Variants in PLXNA2 observed in about 807,000 individuals in gnomAD.
PLXNA2 encodes plexin-A2.
Under a neutral mutation model 193.5 loss-of-function variants are expected in PLXNA2, and 91 were observed. The observed-to-expected ratio is 0.47, with a 90% CI of 0.40 to 0.56. The LOEUF (loss-of-function observed/expected upper bound fraction) is 0.56. PLXNA2 is among the 20% of genes least tolerant of loss of function. The probability of loss-of-function intolerance (pLI) is 0.00; values close to 1 mark genes in which losing one functional copy is unlikely to be tolerated. For synonymous variants in PLXNA2, 997 were observed against 1,027.3 expected (o/e 0.97, Z 0.56); for missense variants, 1,995 against 2,503.2 (o/e 0.80, Z 4.33).
At chr1:208,239,379 T>G (rs1413624358) in intron 1 of PLXNA2, among the ~76,000 whole-genome samples, 4 of 152,208 alleles carry the variant, frequency 2.6e-5, no homozygotes, top group African/African-American at 9.7e-5. Flanking sequence ...TGTTAATCTC[T>G]CTGTCTTTAT....
rs1664293464 is a variant in PLXNA2, at chr1:208,024,839, C to T, written c.*2404G>A. 1.3e-5 allele frequency: 2 copies of T among 152,208 alleles called. No homozygotes were observed. The highest frequency in any genetic ancestry group is 4.8e-5 in the African/African-American group (2 of 41,444). The allele number at this position is 152,208 out of a possible 1,614,324, so 9.4% of individuals were successfully genotyped here. On this transcript the variant is annotated 3_prime_UTR_variant, in exon 32 of 32. Coordinates refer to ENST00000367033, the MANE Select transcript of PLXNA2 (RefSeq NM_025179.4). ...TGCGGCCAGAAAATCTTCACCCAAA[C>T]AGAGCTCAGAAGTTAGATGGGGTGG...
At chr1:208,132,896 A>C (rs777764628) in intron 4 of PLXNA2, among the ~76,000 whole-genome samples, 15 of 152,218 alleles carry the variant, frequency 9.9e-5, no homozygotes, top group Non-Finnish European at 2.1e-4. Context: ...AGAAAGGTGA[A>C]GCAACTTGCC....
intron 1 of PLXNA2, among the ~76,000 whole-genome samples, chr1:208,234,660 A>C (rs1671797172): frequency 6.6e-6 from 1 of 152,166 alleles, no homozygotes; most frequent in Non-Finnish European, 1.5e-5. Context: ...ACACTCTGTG[A>C]TGTGTCTGCT....
intron 12 of PLXNA2, among the ~76,000 whole-genome samples, chr1:208,076,381 C>G (rs1666149624): frequency 6.6e-6 from 1 of 152,062 alleles, no homozygotes; most frequent in African/African-American, 2.4e-5. Context: ...CAGCTGTCCC[C>G]CCATTATTTA....
At chr1:208,130,807 A>G (rs1171094943) in intron 4 of PLXNA2, among the ~76,000 whole-genome samples, 3 of 152,188 alleles carry the variant, frequency 2.0e-5, no homozygotes, top group African/African-American at 7.2e-5. Context: ...CCCTAGGATC[A>G]ACCCCATTGA....
chr1:208,115,955 T>A (rs998320536), intron 4 of PLXNA2, among the ~76,000 whole-genome samples: 4 of 152,170 alleles, frequency 2.6e-5, no homozygotes, highest in Non-Finnish European at 5.9e-5. Flanking sequence ...AAGTTTATAG[T>A]CCAAACACCT....
intron 4 of PLXNA2, among the ~76,000 whole-genome samples, chr1:208,124,388 G>C (rs542344199): frequency 6.6e-6 from 1 of 152,182 alleles, no homozygotes; most frequent in African/African-American, 2.4e-5. Flanking sequence ...GTTTTAAAAA[G>C]TAGAACCAGG....
At chr1:208,086,565 G>A (rs1389651000) in intron 9 of PLXNA2, among the ~76,000 whole-genome samples, 4 of 151,900 alleles carry the variant, frequency 2.6e-5, no homozygotes, top group Non-Finnish European at 4.4e-5. Context: ...TGGACACACC[G>A]GCAGGCTCAC....
intron 3 of PLXNA2, among the ~76,000 whole-genome samples, chr1:208,201,973 A>ATT (rs59313982): frequency 7.5e-6 from 1 of 132,626 alleles, no homozygotes; most frequent in Non-Finnish European, 1.6e-5. Flanking sequence ...CAGGGCAAGA[A>ATT]TTTTTTTTTT....
intron 4 of PLXNA2, 31 bp downstream of exon 4, chr1:208,142,298 T>C: frequency 6.4e-7 from 1 of 1,558,782 alleles, no homozygotes; most frequent in East Asian, 2.3e-5. Flanking sequence ...TTCTTGGAGT[T>C]TGGAAAGCAG....
chr1:208,240,971 G>T (rs1292627762), intron 1 of PLXNA2, among the ~76,000 whole-genome samples: 1 of 152,142 alleles, frequency 6.6e-6, no homozygotes, highest in East Asian at 1.9e-4. Context: ...CATAGAAAAT[G>T]AGGTAGGATA....
At chr1:208,094,040 T>C (rs1390059660) in intron 8 of PLXNA2, among the ~76,000 whole-genome samples, 1 of 152,196 alleles carries the variant, frequency 6.6e-6, no homozygotes, top group Non-Finnish European at 1.5e-5. Flanking sequence ...GTTAGCCCAT[T>C]TACACTTCAT....
chr1:208,042,458 A>T, intron 21 of PLXNA2, 92 bp from the exon 22 acceptor site: 5 of 1,406,720 alleles, frequency 3.6e-6, no homozygotes, highest in Non-Finnish European at 4.9e-6. Context: ...TGGCGATGAC[A>T]CTAGCTGTAG....
chr1:208,039,820 C>T lies in PLXNA2; in HGVS notation c.4354-53G>A, dbSNP rs551211740. 3.8e-5 allele frequency: 62 copies of T among 1,611,566 alleles called. 1 individual carries two copies. Among genetic ancestry groups the T allele is most frequent in the African/African-American group, 5.3e-5 (4 of 74,950 alleles). Reference sequence around the variant, plus strand: ...TGGGCACGGCCTCCTCAGGTTTGTACGTTTTCCCTTTCCTCTCTCGGAGCG... The same window carrying T: ...TGGGCACGGCCTCCTCAGGTTTGTATGTTTTCCCTTTCCTCTCTCGGAGCG... On this transcript the variant is annotated intron_variant, in intron 23 of 31. Transcript: ENST00000367033.
intron 4 of PLXNA2, among the ~76,000 whole-genome samples, chr1:208,140,329 G>A (rs570244273): frequency 1.1e-4 from 17 of 152,236 alleles, no homozygotes; most frequent in East Asian, 3.9e-4. Context: ...TTCAGAAAGC[G>A]TTTCATTGGA....
At chr1:208,053,736 G>A (rs1302301630) in intron 14 of PLXNA2, among the ~76,000 whole-genome samples, 2 of 152,218 alleles carry the variant, frequency 1.3e-5, no homozygotes, top group Non-Finnish European at 2.9e-5. Context: ...TATGAATATA[G>A]CCCTGGGTGG....
intron 13 of PLXNA2, among the ~76,000 whole-genome samples, chr1:208,055,329 G>T (rs544311249): frequency 4.5e-4 from 68 of 152,268 alleles, no homozygotes; most frequent in South Asian, 3.3e-3. Flanking sequence ...CTTCCCTGGC[G>T]CCTGAGAACA....
chr1:208,112,050 G>A (rs2102433404), intron 4 of PLXNA2, among the ~76,000 whole-genome samples: 1 of 152,304 alleles, frequency 6.6e-6, no homozygotes, highest in East Asian at 1.9e-4. Flanking sequence ...AATGACTTGG[G>A]GGAGAAGAGT....
At chr1:208,209,273 T>C (rs1670845946) in intron 3 of PLXNA2, among the ~76,000 whole-genome samples, 1 of 152,184 alleles carries the variant, frequency 6.6e-6, no homozygotes, top group South Asian at 2.1e-4. Context: ...TAGAAATTCT[T>C]CCTTGGGCTC....
Sources: allele counts gnomAD v4.1 joint callset (sites outside exome capture counted in the v4.1 genomes callset), GRCh38; gene constraint gnomAD v4.1.1; transcripts MANE v1.5; gene names NCBI Gene and HGNC (gene_info 2026-07-23, HGNC 2026-07-21).